The following ADAMTS17 variants were observed in gnomAD, a reference collection of about 807,000 sequenced individuals.
ADAMTS17 encodes the protein A disintegrin and metalloproteinase with thrombospondin motifs 17.
In ADAMTS17, 113 loss-of-function variants were observed where a neutral mutation model predicts 141.5. The observed-to-expected ratio is 0.80, with a 90% CI of 0.69 to 0.93. The LOEUF (loss-of-function observed/expected upper bound fraction) is 0.93. ADAMTS17 is among the 40% of genes least tolerant of loss of function. ADAMTS17 has a pLI of 0.00. For missense variants in ADAMTS17, 1,659 were observed against 1,517.9 expected, an observed-to-expected ratio of 1.09 and a Z score of -1.54; for synonymous variants, 768 against 630.6, an observed-to-expected ratio of 1.22 and a Z score of -3.27.
At chr15:100,100,096 G>A (rs898003994) in intron 14 of ADAMTS17, among the ~76,000 whole-genome samples, 7 of 152,210 alleles carry the variant, frequency 4.6e-5, no homozygotes, top group East Asian at 1.9e-4. Context: ...TGATTCACCC[G>A]TGGTGCCTGT....
intron 10 of ADAMTS17, among the ~76,000 whole-genome samples, chr15:100,147,781 A>T (rs1238216596): frequency 6.6e-6 from 1 of 152,182 alleles, no homozygotes; most frequent in Non-Finnish European, 1.5e-5. Flanking sequence ...TTAGTTTCCT[A>T]TGGCAAATCT....
At chr15:100,139,104 C>T (rs770817812) in intron 10 of ADAMTS17, among the ~76,000 whole-genome samples, 1 of 150,950 alleles carries the variant, frequency 6.6e-6, no homozygotes, top group African/African-American at 2.4e-5. Context: ...GAAAAGCCAA[C>T]GAAAAATATA....
At chr15:100,280,933 G>T (rs1299669539) in intron 4 of ADAMTS17, among the ~76,000 whole-genome samples, 1 of 152,178 alleles carries the variant, frequency 6.6e-6, no homozygotes, top group African/African-American at 2.4e-5. Flanking sequence ...TTTGCCGCTT[G>T]GAGTGGGTCT....
chr15:100,277,195 C>A (rs563496431), intron 4 of ADAMTS17, among the ~76,000 whole-genome samples: 3 of 152,102 alleles, frequency 2.0e-5, no homozygotes, highest in Non-Finnish European at 4.4e-5. Context: ...CATCTCAATC[C>A]AAACTTCACG....
intron 15 of ADAMTS17, among the ~76,000 whole-genome samples, chr15:100,067,120 C>A (rs1459794788): frequency 6.6e-6 from 1 of 152,134 alleles, no homozygotes; most frequent in Admixed American, 6.6e-5. Flanking sequence ...AGGCAGCCAT[C>A]CTTCTAAGTG....
At chr15:100,109,918 A>C (rs764233698) in intron 13 of ADAMTS17, among the ~76,000 whole-genome samples, 1 of 152,004 alleles carries the variant, frequency 6.6e-6, no homozygotes, top group East Asian at 1.9e-4. Context: ...CTCCACATGC[A>C]CTGTGCACAC....
At chr15:100,109,377 T>G (rs555399264) in intron 13 of ADAMTS17, among the ~76,000 whole-genome samples, 8 of 152,164 alleles carry the variant, frequency 5.3e-5, no homozygotes, top group Admixed American at 4.6e-4. Context: ...TTCCTTTTCC[T>G]TAAGGCATCA....
At chr15:100,005,521 AGT>A (rs1488985618) in intron 18 of ADAMTS17, among the ~76,000 whole-genome samples, 1 of 151,912 alleles carries the variant, frequency 6.6e-6, no homozygotes, top group East Asian at 1.9e-4. Flanking sequence ...GTGGTGGGGG[AGT>A]GTTTCTCACA....
chr15:100,108,183 T>G (rs958948567), intron 14 of ADAMTS17, among the ~76,000 whole-genome samples: 1 of 150,998 alleles, frequency 6.6e-6, no homozygotes, highest in South Asian at 2.1e-4. Context: ...CTTTTTTTTT[T>G]CCCCCCGAGA....
chr15:100,314,006 A>C (rs1833566488), intron 3 of ADAMTS17, among the ~76,000 whole-genome samples: 1 of 131,206 alleles, frequency 7.6e-6, no homozygotes, highest in Admixed American at 8.0e-5. Flanking sequence ...ACCATGAAGA[A>C]ACGTCAGACA....
chr15:99,983,423 C>T (rs984688318), intron 20 of ADAMTS17, among the ~76,000 whole-genome samples: 2 of 151,992 alleles, frequency 1.3e-5, no homozygotes, highest in East Asian at 3.9e-4. Context: ...CCACCCCCAA[C>T]AGGGGAGGAA....
intron 18 of ADAMTS17, among the ~76,000 whole-genome samples, chr15:100,006,005 G>A (rs111905635): frequency 1.5e-4 from 23 of 152,186 alleles, no homozygotes; most frequent in African/African-American, 5.5e-4. Context: ...TGTCCTCTGT[G>A]TGTCTGTGTC....
chr15:100,023,929 A>T (rs931267938), intron 18 of ADAMTS17, among the ~76,000 whole-genome samples: 2 of 152,248 alleles, frequency 1.3e-5, no homozygotes, highest in Non-Finnish European at 2.9e-5. Context: ...TCTGGAAAGT[A>T]CAAAAAATAG....
At position 100,051,669 on chromosome 15, in the gene ADAMTS17, G is replaced by A; in HGVS notation, c.2358C>T (p.Arg786=). 6.2e-7 allele frequency: 1 copy of A among 1,614,206 alleles called. No individual in the cohort carries two copies. Among genetic ancestry groups the A allele is most frequent in the Non-Finnish European group, 8.5e-7 (1 of 1,180,046 alleles). ...IHYEYTVPVN[R]TAENQSEPEK... ...CTGGTTCGCTTTGATTTTCCGCAGT[G>A]CGGTTTACAGGAACAGTGTATTCAT... Residue 786 remains arginine (R), a synonymous_variant, in exon 17 of 22, where the codon CGC becomes CGT. Transcript: ENST00000268070.
At chr15:100,240,244 C>T (rs945798678) in intron 7 of ADAMTS17, among the ~76,000 whole-genome samples, 4 of 152,206 alleles carry the variant, frequency 2.6e-5, no homozygotes, top group African/African-American at 9.6e-5. Context: ...CTGCAGGCAC[C>T]TTTCCAATCC....
In ADAMTS17 at chr15:100,116,942, G is replaced by C. The variant is rs757452216; in HGVS notation, c.1793C>G (p.Pro598Arg). 3 of 1,614,138 alleles carry C rather than the reference G, an allele frequency of 1.9e-6. No homozygotes were observed. Among genetic ancestry groups the C allele is most frequent in the Middle Eastern group, 1.7e-4 (1 of 6,044 alleles). Residue 598 changes from proline to arginine, a missense_variant, in exon 13 of 22, where the codon CCC (proline) becomes CGC (arginine). Transcript: ENST00000268070. ...EHAVCENLPC[P>R]KGLPSFRDQQ... Reference sequence around the variant, plus strand: ...GTCCCGGAAGCTGGGCAGACCCTTGGGGCAGGGCAGGTTCTCGCAGACCGC... The same window carrying C: ...GTCCCGGAAGCTGGGCAGACCCTTGCGGCAGGGCAGGTTCTCGCAGACCGC...
At chr15:100,004,327 ACTT>A (rs1425754560) in intron 18 of ADAMTS17, among the ~76,000 whole-genome samples, 1 of 152,040 alleles carries the variant, frequency 6.6e-6, no homozygotes, top group African/African-American at 2.4e-5. Flanking sequence ...CTTCCTTAAA[ACTT>A]CTTTTTTTGG....
chr15:100,049,304 T>G (rs1484676933), intron 17 of ADAMTS17, among the ~76,000 whole-genome samples: 1 of 152,208 alleles, frequency 6.6e-6, no homozygotes, highest in Non-Finnish European at 1.5e-5. Context: ...TTCCAAAGAT[T>G]GCTCATCTTT....
rs113717310 is a variant in ADAMTS17 at position 100,131,590 on chromosome 15, T to C, written c.1721+417A>G. Among the ~76,000 whole-genome samples the C allele has an allele frequency of 5.3e-4, 80 of 152,062 alleles. 2 individuals carry two copies. Among genetic ancestry groups the C allele is most frequent in the African/African-American group, 1.7e-3 (72 of 41,440 alleles). On this transcript the variant is annotated intron_variant, in intron 12 of 21. Transcript: ENST00000268070. ...CAGTTACAGGAGGACCCATGGCAAA[T>C]ATTAGGATGAGGAAGACAGCTGCAC... is the stretch of plus-strand genomic sequence containing the variant.
Sources: allele counts gnomAD v4.1 joint callset (sites outside exome capture counted in the v4.1 genomes callset), GRCh38; gene constraint gnomAD v4.1.1; transcripts MANE v1.5; gene names NCBI Gene and HGNC (gene_info 2026-07-23, HGNC 2026-07-21).